The following VAV3 variants were observed in gnomAD, a reference collection of about 807,000 sequenced individuals.
The protein encoded by VAV3 is guanine nucleotide exchange factor VAV3.
Under a neutral mutation model 131.2 loss-of-function variants are expected in VAV3, and 94 were observed. That is an observed-to-expected ratio of 0.72 (90% confidence interval 0.61 to 0.85). The LOEUF (loss-of-function observed/expected upper bound fraction) is 0.85. Among genes scored for constraint, VAV3 ranks in the 40% least tolerant of loss-of-function variants. VAV3 has a pLI of 0.00. For missense variants in VAV3, 939 were observed against 1,002.7 expected, an observed-to-expected ratio of 0.94 and a Z score of 0.86; for synonymous variants, 349 against 342.0, an observed-to-expected ratio of 1.02 and a Z score of -0.22.
chr1:107,877,709 A>G (rs1446226082), intron 1 of VAV3, among the ~76,000 whole-genome samples: 2 of 152,062 alleles, frequency 1.3e-5, no homozygotes, highest in Non-Finnish European at 2.9e-5. Context: ...TTATTTATGT[A>G]TTTTTCAGTT....
At chr1:107,952,930 A>G (rs1018344061) in intron 1 of VAV3, among the ~76,000 whole-genome samples, 2 of 152,216 alleles carry the variant, frequency 1.3e-5, no homozygotes, top group Admixed American at 1.3e-4. Context: ...CCACAAACTA[A>G]TCAGACTAAA....
chr1:107,877,901 C>T (rs781062875), intron 1 of VAV3, among the ~76,000 whole-genome samples: 1 of 152,160 alleles, frequency 6.6e-6, no homozygotes, highest in Non-Finnish European at 1.5e-5. Context: ...TCACTCAATG[C>T]TCACAAGTGT....
chr1:107,678,899 C>T (rs1173747200), intron 19 of VAV3, among the ~76,000 whole-genome samples: 1 of 151,942 alleles, frequency 6.6e-6, no homozygotes, highest in Admixed American at 6.6e-5. Context: ...CGTAATAAAT[C>T]TGCACAAAAA....
chr1:107,791,294 GA>G (rs1359081116), intron 2 of VAV3, among the ~76,000 whole-genome samples: 6 of 152,060 alleles, frequency 3.9e-5, no homozygotes, highest in Non-Finnish European at 7.4e-5. Context: ...GGTTCTTAAG[GA>G]GGGTAGTAAC....
intron 22 of VAV3, among the ~76,000 whole-genome samples, chr1:107,606,607 C>T (rs943755): frequency 0.36 from 54,006 of 151,736 alleles, 9,929 homozygotes; most frequent in Middle Eastern, 0.42. Flanking sequence ...TCATATTATC[C>T]ATCTCTGACT....
intron 19 of VAV3, among the ~76,000 whole-genome samples, chr1:107,675,720 G>T (rs922001517): frequency 1.3e-5 from 2 of 152,102 alleles, no homozygotes; most frequent in African/African-American, 4.8e-5. Context: ...GCTGTGTTAG[G>T]TTCTGTTTCC....
chr1:107,954,205 G>T (rs1020693010), intron 1 of VAV3, among the ~76,000 whole-genome samples: 1 of 152,022 alleles, frequency 6.6e-6, no homozygotes, highest in African/African-American at 2.4e-5. Flanking sequence ...TTTACAAAAA[G>T]AATATTTATA....
chr1:107,653,550 T>C (rs1656327746), intron 19 of VAV3, among the ~76,000 whole-genome samples: 1 of 152,024 alleles, frequency 6.6e-6, no homozygotes, highest in Admixed American at 6.6e-5. Context: ...GTTTAGTCCC[T>C]CCCTTATTTT....
Position 107,602,438 on chromosome 1 carries a change from A to C in VAV3, c.2179T>G (p.Phe727Val). Reference sequence around the variant, plus strand: ...TTTCTATTTTCTGCAATGTGAAAAAAGCCATCTCTTGTTAAAATCTTGATG... The same window carrying C: ...TTTCTATTTTCTGCAATGTGAAAAACGCCATCTCTTGTTAAAATCTTGATG... ...KHIKILTRDGFFHIAENRKFK... is the reference protein window; with the variant it reads ...KHIKILTRDGVFHIAENRKFK... Residue 727 changes from phenylalanine to valine, a missense_variant, in exon 24 of 27, where the codon TTT (phenylalanine) becomes GTT (valine). Coordinates refer to ENST00000370056, the MANE Select transcript of VAV3 (RefSeq NM_006113.5). 6.3e-7 allele frequency: 1 copy of C among 1,575,510 alleles called. No individual in the cohort carries two copies. Among genetic ancestry groups the C allele is most frequent in the Non-Finnish European group, 8.6e-7 (1 of 1,167,906 alleles).
At position 107,759,943 on chromosome 1, in the gene VAV3, C is replaced by T. The variant is rs149981127; in HGVS notation, c.1017+841G>A. Among the ~76,000 whole-genome samples the T allele has an allele frequency of 2.8e-3, 424 of 152,160 alleles. 2 individuals are homozygous for T. The highest frequency in any genetic ancestry group is 9.4e-3 in the African/African-American group (391 of 41,522). On this transcript the variant is annotated intron_variant, in intron 10 of 26. Coordinates refer to ENST00000370056, the MANE Select transcript of VAV3 (RefSeq NM_006113.5). ...CATAAAATCCAATTTGACTAAGTTG[C>T]TTTGAGTTTAGGTCTCATAAATGTT...
chr1:107,957,020 G>C (rs1429645341), intron 1 of VAV3, among the ~76,000 whole-genome samples: 2 of 152,198 alleles, frequency 1.3e-5, no homozygotes, highest in East Asian at 3.9e-4. Context: ...GGTATTAGTA[G>C]AACAAACCCA....
intron 1 of VAV3, among the ~76,000 whole-genome samples, chr1:107,909,863 T>C (rs1221020674): frequency 6.6e-6 from 1 of 152,214 alleles, no homozygotes; most frequent in African/African-American, 2.4e-5. Flanking sequence ...AAATATTTCA[T>C]AATAATATTT....
chr1:107,765,230 A>AG, intron 8 of VAV3, 55 bp from the exon 9 acceptor site: 1 of 1,334,312 alleles, frequency 7.5e-7, no homozygotes, highest in Non-Finnish European at 1.1e-6. Flanking sequence ...AATGAACTGG[A>AG]GGGGGAAACA....
rs570753422 is a variant in VAV3, at chr1:107,794,406, T to G, written c.322-14914A>C. Among the ~76,000 whole-genome samples the G allele has an allele frequency of 2.0e-5, 3 of 152,378 alleles. No homozygotes were observed. The South Asian group carries it at 6.2e-4, about 32-fold the overall frequency. On this transcript the variant is annotated intron_variant, in intron 2 of 26. Transcript: ENST00000370056. Reference sequence around the variant, plus strand: ...GCCTTTGCTGAGGACTATGTCTGATTATGATACATTTTTTCCTTTTGACCT... The same window carrying G: ...GCCTTTGCTGAGGACTATGTCTGATGATGATACATTTTTTCCTTTTGACCT...
In VAV3 at chr1:107,666,310, GA is replaced by G. The variant is rs34964336; in HGVS notation, c.1777+17177del. Among the ~76,000 whole-genome samples, 798 of 152,172 alleles carry G rather than the reference GA, an allele frequency of 5.2e-3. 8 individuals carry two copies. The highest frequency in any genetic ancestry group is 0.018 in the African/African-American group (740 of 41,550). The stretch of plus-strand genomic sequence containing the variant: ...ACGAACAATGTTCTTACTCTTAAGG[GA>G]AAAAAATATAAGAGTTAATGTCTTA... On this transcript the variant is annotated intron_variant, in intron 19 of 26. Coordinates refer to ENST00000370056, the MANE Select transcript of VAV3 (RefSeq NM_006113.5).
At chr1:107,658,319 G>T (rs991147760) in intron 19 of VAV3, among the ~76,000 whole-genome samples, 1 of 152,196 alleles carries the variant, frequency 6.6e-6, no homozygotes, top group Non-Finnish European at 1.5e-5. Context: ...CGGTGTATAT[G>T]TGCCACATTT....
rs567660149 is a variant in VAV3 at position 107,730,896 on chromosome 1, G to T, written c.1502+18072C>A. Among the ~76,000 whole-genome samples, 105 of 152,236 alleles carry T rather than the reference G, an allele frequency of 6.9e-4. 1 individual carries two copies. The highest frequency in any genetic ancestry group is 2.4e-3 in the African/African-American group (99 of 41,564). On this transcript the variant is annotated intron_variant, in intron 15 of 26. Transcript: ENST00000370056. ...GCATGGTATGAGAGAAAAAGCCCCA[G>T]ATTGAGATGCAAGCTCAGCTTCTGT...
intron 2 of VAV3, among the ~76,000 whole-genome samples, chr1:107,795,949 C>T (rs6661857): frequency 0.36 from 55,345 of 152,034 alleles, 10,569 homozygotes; most frequent in Non-Finnish European, 0.4. Flanking sequence ...TCATTGCTAA[C>T]GCCCATCCCA....
intron 2 of VAV3, among the ~76,000 whole-genome samples, chr1:107,828,310 A>T (rs977602778): frequency 3.3e-5 from 5 of 152,288 alleles, no homozygotes; most frequent in African/African-American, 1.2e-4. Context: ...CTGAAAAAAG[A>T]CCTAGGCTGT....
Sources: allele counts gnomAD v4.1 joint callset (sites outside exome capture counted in the v4.1 genomes callset), GRCh38; gene constraint gnomAD v4.1.1; transcripts MANE v1.5; gene names NCBI Gene and HGNC (gene_info 2026-07-23, HGNC 2026-07-21).